The following INTS15 variants were observed in gnomAD, a reference collection of about 807,000 sequenced individuals.
INTS15 encodes uncharacterized protein C7orf26.
chr7:6,604,120 G>C, the INTS15 span, among the ~76,000 whole-genome samples: 1 of 152,144 alleles, frequency 6.6e-6, no homozygotes, highest in East Asian at 1.9e-4. Flanking sequence ...TTGTTGCAGA[G>C]GCTGGAGTGC....
the INTS15 span, among the ~76,000 whole-genome samples, chr7:6,595,123 CA>C: frequency 6.6e-6 from 1 of 152,136 alleles, no homozygotes; most frequent in East Asian, 1.9e-4. Context: ...TCTCTGCCCC[CA>C]AGGCTCAAGT....
chr7:6,592,753 C>T, the INTS15 span, among the ~76,000 whole-genome samples: 61 of 151,728 alleles, frequency 4.0e-4, no homozygotes, highest in Non-Finnish European at 7.1e-4. Context: ...GGACCACAGG[C>T]GCACACCACC....
the INTS15 span, among the ~76,000 whole-genome samples, chr7:6,601,542 C>T: frequency 6.1e-4 from 93 of 152,176 alleles, no homozygotes; most frequent in African/African-American, 2.1e-3. Flanking sequence ...GTGATCCGCC[C>T]GCCTCAGCCT....
At chr7:6,598,335 G>T in the INTS15 span, among the ~76,000 whole-genome samples, 1 of 152,096 alleles carries the variant, frequency 6.6e-6, no homozygotes, top group Non-Finnish European at 1.5e-5. Context: ...CCAGTGTGGT[G>T]GCAGGCGCCT....
chr7:6,598,068 A>C, the INTS15 span, among the ~76,000 whole-genome samples: 1 of 152,168 alleles, frequency 6.6e-6, no homozygotes, highest in Non-Finnish European at 1.5e-5. Context: ...CACATTTTCT[A>C]CAGGCTGGTA....
At chr7:6,598,602 CAG>C in the INTS15 span, among the ~76,000 whole-genome samples, 6 of 152,208 alleles carry the variant, frequency 3.9e-5, no homozygotes, top group South Asian at 4.1e-4. Flanking sequence ...GGCACAGCCC[CAG>C]AGAGAGGGGG....
the INTS15 span, among the ~76,000 whole-genome samples, chr7:6,604,913 A>G: frequency 6.6e-6 from 1 of 152,082 alleles, no homozygotes; most frequent in Non-Finnish European, 1.5e-5. Flanking sequence ...GTGTCATGAC[A>G]GCAGCACAGA....
the INTS15 span, among the ~76,000 whole-genome samples, chr7:6,600,662 T>C: frequency 6.6e-6 from 1 of 152,126 alleles, no homozygotes; most frequent in Non-Finnish European, 1.5e-5. Flanking sequence ...CTTATTTTTA[T>C]TTATTTATTT....
chr7:6,608,365 C>T, the INTS15 span: 20 of 1,416,242 alleles, frequency 1.4e-5, no homozygotes, highest in African/African-American at 2.5e-4. Flanking sequence ...AGGGAAGAGT[C>T]CAGCCTCTGC....
At chr7:6,601,267 C>A in the INTS15 span, among the ~76,000 whole-genome samples, 1 of 151,450 alleles carries the variant, frequency 6.6e-6, no homozygotes, top group African/African-American at 2.4e-5. Context: ...TGTCCTTGTC[C>A]TTTTTTATTG....
the INTS15 span, among the ~76,000 whole-genome samples, chr7:6,596,372 C>T: frequency 7.1e-6 from 1 of 141,498 alleles, no homozygotes; most frequent in Non-Finnish European, 1.5e-5. Flanking sequence ...TTTTATCTGT[C>T]ACCCTTTTTT....
the INTS15 span, among the ~76,000 whole-genome samples, chr7:6,602,480 C>G: frequency 6.6e-6 from 1 of 152,258 alleles, no homozygotes; most frequent in East Asian, 1.9e-4. Context: ...AGAGCCACAG[C>G]CCTACAGCAC....
chr7:6,597,846 C>A, the INTS15 span, among the ~76,000 whole-genome samples: 1 of 152,196 alleles, frequency 6.6e-6, no homozygotes, highest in Non-Finnish European at 1.5e-5. Flanking sequence ...CGCTGTTGGG[C>A]ACTTCTGGTA....
chr7:6,599,347 C>T, the INTS15 span, among the ~76,000 whole-genome samples: 58 of 151,926 alleles, frequency 3.8e-4, no homozygotes, highest in Non-Finnish European at 8.8e-5. Context: ...GGGGTTGGGA[C>T]GGCCCTTGGC....
chr7:6,590,545 G>T, the INTS15 span: 5 of 1,430,006 alleles, frequency 3.5e-6, no homozygotes, highest in South Asian at 1.5e-5. Flanking sequence ...CAGCGATGCA[G>T]GGCTGTGTCA....
the INTS15 span, chr7:6,591,780 C>A: frequency 6.2e-7 from 1 of 1,614,156 alleles, no homozygotes; most frequent in Non-Finnish European, 8.5e-7. Flanking sequence ...CCGATGACAG[C>A]CGGATGAGCT....
the INTS15 span, chr7:6,607,741 G>T: frequency 6.7e-7 from 1 of 1,501,330 alleles, no homozygotes. The surrounding 1 kb of genome is among the most constrained non-coding windows in gnomAD (Gnocchi z 6.0). Context: ...AGCTCCGTGG[G>T]CCACAGGCCC....
chr7:6,591,107 A>G, the INTS15 span, among the ~76,000 whole-genome samples: 3 of 151,900 alleles, frequency 2.0e-5, no homozygotes, highest in Non-Finnish European at 4.4e-5. Context: ...AAGTGTTGGA[A>G]TTACAGGCGT....
chr7:6,595,931 C>T, the INTS15 span, among the ~76,000 whole-genome samples: 10 of 152,296 alleles, frequency 6.6e-5, no homozygotes, highest in Admixed American at 6.5e-4. Context: ...GACAAATAGT[C>T]TCTTTCTCTT....
Sources: gnomAD v4.1 joint callset for allele counts (sites outside exome capture counted in the v4.1 genomes callset) on GRCh38, gnomAD v4.1.1 for gene constraint, Gnocchi (gnomAD v3.1) non-coding constraint, MANE v1.5 for transcripts, NCBI Gene and HGNC (gene_info 2026-07-23, HGNC 2026-07-21) for gene names.